Variants in BANK1 observed in about 807,000 individuals in gnomAD.
BANK1 encodes the protein B cell scaffold protein with ankyrin repeats 1.
In BANK1, 95 loss-of-function variants were observed where a neutral mutation model predicts 94.5. The ratio of observed to expected loss-of-function variants is 1.00; its 90% CI spans 0.85 to 1.19. The LOEUF is 1.19. Among genes scored for constraint, BANK1 ranks in the 50% most tolerant of loss-of-function variants. The pLI is 0.00. For synonymous variants in BANK1, 334 were observed against 308.4 expected (o/e 1.08, Z -0.87); for missense variants, 987 against 932.2 (o/e 1.06, Z -0.77).
intron 6 of BANK1, among the ~76,000 whole-genome samples, chr4:101,916,434 C>T (rs1722831223): frequency 6.6e-6 from 1 of 151,984 alleles, no homozygotes; most frequent in African/African-American, 2.4e-5. Context: ...TTTTAATACT[C>T]ATCTTACTGT....
At chr4:101,980,533 C>T (rs918698074) in intron 7 of BANK1, among the ~76,000 whole-genome samples, 3 of 151,826 alleles carry the variant, frequency 2.0e-5, no homozygotes, top group Non-Finnish European at 4.4e-5. Context: ...CTCCCCTCCT[C>T]CCGTTGCTCT....
At chr4:102,007,083 T>TATAA (rs1726296527) in intron 7 of BANK1, among the ~76,000 whole-genome samples, 2 of 72,316 alleles carry the variant, frequency 2.8e-5, no homozygotes, top group Admixed American at 1.4e-4. Flanking sequence ...TATATATAAA[T>TATAA]ATATATATAA....
At chr4:102,024,096 C>CA (rs1465390420) in intron 8 of BANK1, among the ~76,000 whole-genome samples, 2 of 151,948 alleles carry the variant, frequency 1.3e-5, no homozygotes, top group Admixed American at 1.3e-4. Context: ...AATAGAAAAA[C>CA]AAAAAAAGAA....
chr4:101,980,386 T>C (rs934927401), intron 7 of BANK1, among the ~76,000 whole-genome samples: 1 of 151,868 alleles, frequency 6.6e-6, no homozygotes, highest in Non-Finnish European at 1.5e-5. Flanking sequence ...TTCCCAGTGA[T>C]TTTCTGTGTC....
At chr4:101,936,391 GCA>G (rs1560641411) in intron 7 of BANK1, among the ~76,000 whole-genome samples, 1 of 149,694 alleles carries the variant, frequency 6.7e-6, no homozygotes, top group Admixed American at 6.7e-5. Flanking sequence ...ATGCATACAT[GCA>G]TGTATATATG....
At chr4:102,030,379 T>G in intron 10 of BANK1, 114 bp downstream of exon 10, 1 of 1,068,576 alleles carries the variant, frequency 9.4e-7, no homozygotes, top group Non-Finnish European at 1.3e-6. Flanking sequence ...AGAGTAAACA[T>G]TTTTTTTCAA....
intron 7 of BANK1, among the ~76,000 whole-genome samples, chr4:102,002,077 G>A (rs1159223995): frequency 6.6e-6 from 1 of 152,228 alleles, no homozygotes; most frequent in Non-Finnish European, 1.5e-5. Flanking sequence ...TATAAACATA[G>A]AACTGGCAGT....
At chr4:101,803,944 G>C (rs1447523218) in intron 1 of BANK1, among the ~76,000 whole-genome samples, 2 of 131,726 alleles carry the variant, frequency 1.5e-5, no homozygotes, top group African/African-American at 2.9e-5. Context: ...CTTGCAGTGA[G>C]CCGAGATCCC....
rs148927864 is a variant in BANK1, at chr4:101,895,311, A to G, written c.910A>G (p.Ile304Val). Residue 304 changes from isoleucine to valine, a missense_variant, in exon 6 of 17, where the codon ATT becomes GTT. Physicochemically the swap from Ile to Val is conservative, Grantham distance 29 (BLOSUM62 3). Transcript: ENST00000322953. ...DSGESLCQNS[I>V]EELDGVLTSI... ...CTTTTTCACTTGAAAACAGAATAGC[A>G]TTGAAGAACTTGATGGTGTCCTTAC... 2.6e-5 allele frequency: 41 copies of G among 1,566,254 alleles called. No individual in the cohort carries two copies. The highest frequency in any genetic ancestry group is 7.0e-5 in the African/African-American group (5 of 71,902).
At chr4:102,058,365 AAAGAC>A (rs1385982353) in intron 11 of BANK1, among the ~76,000 whole-genome samples, 1 of 152,132 alleles carries the variant, frequency 6.6e-6, no homozygotes, top group Non-Finnish European at 1.5e-5. Flanking sequence ...TTTTACACTA[AAAGAC>A]AAGAGTCTAC....
chr4:101,902,341 T>C (rs1192230679), intron 6 of BANK1, among the ~76,000 whole-genome samples: 1 of 152,228 alleles, frequency 6.6e-6, no homozygotes, highest in Non-Finnish European at 1.5e-5. Context: ...TTAGTTGAAA[T>C]ATTATTCTAA....
intron 2 of BANK1, among the ~76,000 whole-genome samples, chr4:101,832,969 C>T (rs1726679757): frequency 1.3e-5 from 2 of 148,890 alleles, no homozygotes; most frequent in Admixed American, 1.4e-4. Context: ...AGATTCTATG[C>T]TTGTTCAGGT....
At chr4:102,008,978 C>A (rs1246123506) in intron 7 of BANK1, among the ~76,000 whole-genome samples, 1 of 152,224 alleles carries the variant, frequency 6.6e-6, no homozygotes, top group Non-Finnish European at 1.5e-5. Flanking sequence ...CTTGTTTTCT[C>A]TGGCCCCTGG....
intron 9 of BANK1, among the ~76,000 whole-genome samples, chr4:102,029,618 A>G (rs1013629339): frequency 6.7e-6 from 1 of 148,780 alleles, no homozygotes; most frequent in Non-Finnish European, 1.5e-5. Flanking sequence ...AATAATATAT[A>G]TATATTGCTC....
chr4:101,979,443 A>G (rs1725251960), intron 7 of BANK1, among the ~76,000 whole-genome samples: 1 of 151,922 alleles, frequency 6.6e-6, no homozygotes, highest in African/African-American at 2.4e-5. Flanking sequence ...AATGTTGCAA[A>G]TGACTCACAA....
In BANK1 at chr4:101,965,351, A is replaced by AG. The variant is rs548465952; in HGVS notation, c.1206+47162_1206+47163insG. Among the ~76,000 whole-genome samples the AG allele has an allele frequency of 3.2e-3, 489 of 152,000 alleles. 3 individuals carry two copies. The highest frequency in any genetic ancestry group is 0.011 in the African/African-American group (462 of 41,502). On this transcript the variant is annotated intron_variant, in intron 7 of 16. Transcript: ENST00000322953. ...ATAACCACCTAAATAAAAAAAAAAA[A>AG]ACAGTGACACAAAACTAGTATACAA... is the stretch of plus-strand genomic sequence containing the variant.
At chr4:101,814,748 T>C in intron 1 of BANK1, among the ~76,000 whole-genome samples, 1 of 152,216 alleles carries the variant, frequency 6.6e-6, no homozygotes, top group South Asian at 2.1e-4. Flanking sequence ...CGTTTTTGTT[T>C]AACATTTTTG....
chr4:102,010,076 C>A (rs1223199071), intron 7 of BANK1, among the ~76,000 whole-genome samples: 2 of 151,246 alleles, frequency 1.3e-5, no homozygotes, highest in Non-Finnish European at 3.0e-5. Context: ...ACCATCCTGG[C>A]TAACACGGTG....
At chr4:101,907,328 G>A (rs1399756806) in intron 6 of BANK1, among the ~76,000 whole-genome samples, 4 of 152,176 alleles carry the variant, frequency 2.6e-5, no homozygotes, top group Admixed American at 2.6e-4. Context: ...AATAGATGCA[G>A]AAAAGGCCTT....
Sources: gnomAD v4.1 joint callset for allele counts (sites outside exome capture counted in the v4.1 genomes callset) on GRCh38, gnomAD v4.1.1 for gene constraint, MANE v1.5 for transcripts, NCBI Gene and HGNC (gene_info 2026-07-23, HGNC 2026-07-21) for gene names.